Variants in COMMD10 observed in about 807,000 individuals in gnomAD.
The protein encoded by COMMD10 is COMM domain-containing protein 10.
In COMMD10, 33 loss-of-function variants were observed where a neutral mutation model predicts 28.9. The observed-to-expected ratio is 1.14, with a 90% CI of 0.87 to 1.53. The LOEUF (loss-of-function observed/expected upper bound fraction) is 1.53, where lower values mean the gene tolerates loss of function less well. COMMD10 is among the 40% of genes most tolerant of loss of function. The pLI is 0.00. For synonymous variants in COMMD10, 110 were observed against 81.7 expected (o/e 1.35, Z -1.87); for missense variants, 310 against 233.4 (o/e 1.33, Z -2.14).
chr5:116,249,605 G>A (rs1306915314), intron 5 of COMMD10, among the ~76,000 whole-genome samples: 3 of 151,862 alleles, frequency 2.0e-5, no homozygotes, highest in Non-Finnish European at 4.4e-5. Context: ...CACCTTATGG[G>A]TTACAAACAT....
At position 116,109,088 on chromosome 5, in the gene COMMD10, C is replaced by T. The variant is rs192936733; in HGVS notation, c.399+16388C>T. On this transcript the variant is annotated intron_variant, in intron 4 of 6. Coordinates refer to ENST00000274458, the MANE Select transcript of COMMD10 (RefSeq NM_016144.4). ...CCTCAGTTGGAAGTGCAGAAATCAC[C>T]TGCCTTCTGCATCGATTTTGCTGGG... 7.5e-4 allele frequency among the ~76,000 whole-genome samples: 115 copies of T among 152,318 alleles called. No individual in the cohort carries two copies. The Middle Eastern group carries it at 0.014, about 18-fold the overall frequency.
chr5:116,092,754 T>A lies in COMMD10; in HGVS notation c.399+54T>A. Reference sequence around the variant, plus strand: ...TTTCAATAACATATGGCATAAATTATTATACCTGAAGAGTTTTTAAAGTGA... The same window carrying A: ...TTTCAATAACATATGGCATAAATTAATATACCTGAAGAGTTTTTAAAGTGA... On this transcript the variant is annotated intron_variant, in intron 4 of 6. Transcript: ENST00000274458. The A allele has an allele frequency of 2.4e-6, 3 of 1,273,812 alleles. No homozygotes were observed. In the South Asian group the frequency reaches 5.6e-5, roughly 24 times the overall value. The allele number at this position is 1,273,812 out of a possible 1,614,324, so 78.9% of individuals were successfully genotyped here.
At chr5:116,179,276 A>G (rs1386343060) in intron 5 of COMMD10, among the ~76,000 whole-genome samples, 1 of 152,190 alleles carries the variant, frequency 6.6e-6, no homozygotes, top group African/African-American at 2.4e-5. Flanking sequence ...AAATAATTTT[A>G]AAACAGATTT....
chr5:116,113,961 A>T (rs1751145668), intron 4 of COMMD10, among the ~76,000 whole-genome samples: 1 of 146,720 alleles, frequency 6.8e-6, no homozygotes, highest in Admixed American at 6.7e-5. Flanking sequence ...TTTATATGTG[A>T]CTTCGATGTT....
intron 5 of COMMD10, among the ~76,000 whole-genome samples, chr5:116,239,595 C>A (rs917289163): frequency 6.6e-6 from 1 of 152,096 alleles, no homozygotes; most frequent in African/African-American, 2.4e-5. Flanking sequence ...GTAATGCCAA[C>A]TTCCACGACA....
At chr5:116,114,492 C>A (rs1422448885) in intron 4 of COMMD10, among the ~76,000 whole-genome samples, 2 of 151,964 alleles carry the variant, frequency 1.3e-5, no homozygotes, top group Non-Finnish European at 2.9e-5. Context: ...GTTTTTATGC[C>A]CAAACTCTGT....
At chr5:116,099,513 C>G (rs143165785) in intron 4 of COMMD10, among the ~76,000 whole-genome samples, 12 of 152,174 alleles carry the variant, frequency 7.9e-5, no homozygotes, top group African/African-American at 2.6e-4. Context: ...TTTTAAGGAA[C>G]CTCCATACTG....
intron 5 of COMMD10, among the ~76,000 whole-genome samples, chr5:116,159,804 T>G (rs776532283): frequency 3.9e-5 from 6 of 152,146 alleles, no homozygotes; most frequent in Non-Finnish European, 8.8e-5. Flanking sequence ...GAATGCATGG[T>G]CTGGGTAAAA....
chr5:116,257,343 CTTG>C (rs1665651963), intron 5 of COMMD10, among the ~76,000 whole-genome samples: 1 of 151,690 alleles, frequency 6.6e-6, no homozygotes, highest in Non-Finnish European at 1.5e-5. Context: ...AAATATATAA[CTTG>C]TTGTCTACTG....
chr5:116,139,155 T>C (rs1561625193), intron 5 of COMMD10, among the ~76,000 whole-genome samples: 1 of 151,760 alleles, frequency 6.6e-6, no homozygotes, highest in African/African-American at 2.4e-5. Context: ...TGTTGAAAGC[T>C]GTTGTAAAAT....
At chr5:116,152,339 C>G (rs1752556006) in intron 5 of COMMD10, among the ~76,000 whole-genome samples, 1 of 152,074 alleles carries the variant, frequency 6.6e-6, no homozygotes, top group Non-Finnish European at 1.5e-5. Context: ...TACTTGAACT[C>G]TCTCCCTGTG....
At chr5:116,177,250 G>C (rs140026704) in intron 5 of COMMD10, among the ~76,000 whole-genome samples, 2 of 152,078 alleles carry the variant, frequency 1.3e-5, no homozygotes, top group African/African-American at 4.8e-5. Context: ...GAAATAAGCT[G>C]GGACATTTGG....
At position 116,115,714 on chromosome 5, in the gene COMMD10, C is replaced by T. The variant is rs148741561; in HGVS notation, c.400-18354C>T. The stretch of plus-strand genomic sequence containing the variant: ...ATTTGGAGCTCTTTTACGTGTATTC[C>T]TGCCATACTAAATGTAAAAACTGAC... On this transcript the variant is annotated intron_variant, in intron 4 of 6. Coordinates refer to ENST00000274458, the MANE Select transcript of COMMD10 (RefSeq NM_016144.4). Among the ~76,000 whole-genome samples the T allele has an allele frequency of 3.4e-4, 52 of 152,058 alleles. No individual in the cohort carries two copies. In the East Asian group the frequency reaches 8.5e-3, roughly 25 times the overall value.
chr5:116,129,331 T>C (rs2112765617), intron 4 of COMMD10, among the ~76,000 whole-genome samples: 1 of 147,178 alleles, frequency 6.8e-6, no homozygotes, highest in Middle Eastern at 3.6e-3. Flanking sequence ...GTCTTCTTTT[T>C]TGTATATATA....
intron 5 of COMMD10, among the ~76,000 whole-genome samples, chr5:116,274,842 C>G (rs1227301064): frequency 6.6e-6 from 1 of 151,794 alleles, no homozygotes; most frequent in Non-Finnish European, 1.5e-5. Context: ...TTGCCTTAAG[C>G]AGTACTTTGT....
At chr5:116,207,531 A>G (rs893233514) in intron 5 of COMMD10, among the ~76,000 whole-genome samples, 3 of 151,162 alleles carry the variant, frequency 2.0e-5, no homozygotes, top group African/African-American at 7.3e-5. Flanking sequence ...AGTATTTCAG[A>G]TTTTTTTTTC....
chr5:116,173,851 T>G (rs1263211165), intron 5 of COMMD10, among the ~76,000 whole-genome samples: 2 of 149,442 alleles, frequency 1.3e-5, no homozygotes, highest in African/African-American at 2.5e-5. Context: ...TTGTTTTTGT[T>G]TTTTTTTTTT....
intron 5 of COMMD10, among the ~76,000 whole-genome samples, chr5:116,159,291 G>A (rs1752840846): frequency 6.6e-6 from 1 of 152,160 alleles, no homozygotes; most frequent in South Asian, 2.1e-4. Flanking sequence ...CATAGAAGTT[G>A]CCTTGTTTTT....
chr5:116,151,514 G>A (rs1489658472), intron 5 of COMMD10, among the ~76,000 whole-genome samples: 2 of 152,046 alleles, frequency 1.3e-5, no homozygotes, highest in Non-Finnish European at 2.9e-5. Flanking sequence ...GTAAGCTATT[G>A]ATTATTGCCA....
Sources: gnomAD v4.1 joint callset for allele counts (sites outside exome capture counted in the v4.1 genomes callset) on GRCh38, gnomAD v4.1.1 for gene constraint, MANE v1.5 for transcripts, NCBI Gene and HGNC (gene_info 2026-07-23, HGNC 2026-07-21) for gene names.